WEE2: variants seen among roughly 807,000 people sequenced by gnomAD.
The protein encoded by WEE2 is wee1-like protein kinase 2.
A neutral mutation model predicts 60.1 loss-of-function variants in WEE2; 50 were observed. The observed-to-expected ratio is 0.83, with a 90% CI of 0.66 to 1.05. WEE2 has a LOEUF of 1.05. Ranked by LOEUF, WEE2 falls within the 50% of genes least tolerant of loss-of-function variation. The pLI, the probability that WEE2 is intolerant of heterozygous loss-of-function variation, is 0.00. For missense variants in WEE2, 631 were observed against 684.3 expected (o/e 0.92, Z 0.87); for synonymous variants, 240 against 241.0 (o/e 1.00, Z 0.04).
At chr7:141,725,482 G>A (rs929157337) in intron 9 of WEE2, among the ~76,000 whole-genome samples, 4 of 151,884 alleles carry the variant, frequency 2.6e-5, no homozygotes, top group African/African-American at 4.8e-5. Flanking sequence ...AAAATTAGCC[G>A]GGCATGGTGG....
Position 141,724,245 on chromosome 7 carries a change from T to G in WEE2, c.1191T>G (p.Ser397Arg), listed in dbSNP as rs1333902952. ...AACCCAAAGTGGAAGAAGGAGATAG[T>G]CGCTTCCTGGCTAATGAGATTTTGC... The part of the protein sequence containing the change: ...INKPKVEEGD[S>R]RFLANEILQE... Residue 397 changes from serine (S) to arginine (R), a missense_variant, in exon 8 of 12, where the codon AGT becomes AGG. Coordinates refer to ENST00000397541, the MANE Select transcript of WEE2 (RefSeq NM_001105558.1). 6.2e-7 allele frequency: 1 copy of G among 1,613,844 alleles called. No homozygotes were observed. Among genetic ancestry groups the G allele is most frequent in the African/African-American group, 1.3e-5 (1 of 74,920 alleles).
In WEE2 at chr7:141,723,935, T is replaced by C; in HGVS notation, c.1028-6T>C. The C allele has an allele frequency of 6.3e-7, 1 of 1,584,730 alleles. No homozygotes were observed. Among genetic ancestry groups the C allele is most frequent in the Non-Finnish European group, 8.6e-7 (1 of 1,160,596 alleles). ...ACTTACATCTATCCTGTCATTTTTT[T>C]TTCAGGTAATATATTCATTTGTCAC... On this transcript the variant is annotated splice_polypyrimidine_tract_variant and splice_region_variant and intron_variant, in intron 6 of 11. Coordinates refer to ENST00000397541, the MANE Select transcript of WEE2 (RefSeq NM_001105558.1).
intron 10 of WEE2, 71 bp downstream of exon 10, chr7:141,727,517 G>A: frequency 7.1e-6 from 11 of 1,553,766 alleles, no homozygotes; most frequent in Non-Finnish European, 9.6e-6. Flanking sequence ...CTAGTCTACT[G>A]TGTCTTCTCT....
chr7:141,709,072 T>A lies in WEE2; in HGVS notation c.314T>A (p.Leu105Gln), dbSNP rs772159051. 3.1e-6 allele frequency: 5 copies of A among 1,613,964 alleles called. No homozygotes were observed. In the South Asian group the frequency reaches 5.5e-5, roughly 18 times the overall value. Residue 105 changes from leucine to glutamine, a missense_variant, in exon 1 of 12, where the codon CTG becomes CAG. By Grantham distance (113) the Leu-to-Gln change is moderately radical (BLOSUM62 -2). Transcript: ENST00000397541. ...CAACCAGACAGCAGGAGCAAGCTGC[T>A]GCCCAGTGACAGCCCCTCTACTCCC... The part of the protein sequence containing the change: ...PAQPDSRSKL[L>Q]PSDSPSTPKT...
chr7:141,709,981 C>A (rs1306390646), intron 1 of WEE2, among the ~76,000 whole-genome samples: 5 of 152,192 alleles, frequency 3.3e-5, no homozygotes. Flanking sequence ...CTGACTGCGA[C>A]ACAGTTGCTA....
intron 11 of WEE2, 129 bp downstream of exon 11, chr7:141,729,802 C>T: frequency 1.9e-6 from 2 of 1,065,486 alleles, no homozygotes; most frequent in South Asian, 1.7e-5. Flanking sequence ...TCCTGGCTAA[C>T]ACGGTGAAAC....
Position 141,711,142 on chromosome 7 carries a change from G to A in WEE2, c.342+2042G>A, listed in dbSNP as rs1219289535. ...TGACACTAAGGGATATATGGGTTTG[G>A]AGAAAAGCAGAGATGTGGTATAAAA... On this transcript the variant is annotated intron_variant, in intron 1 of 11. Coordinates refer to ENST00000397541, the MANE Select transcript of WEE2 (RefSeq NM_001105558.1). The surrounding 1 kb of genome is among the most constrained non-coding windows in gnomAD (Gnocchi z 4.2). Among the ~76,000 whole-genome samples, 10 of 152,194 alleles carry A rather than the reference G, an allele frequency of 6.6e-5. No individual in the cohort carries two copies. Among genetic ancestry groups the A allele is most frequent in the Non-Finnish European group, 1.2e-4 (8 of 68,042 alleles).
In WEE2 at chr7:141,729,566, A is replaced by C; in HGVS notation, c.1571A>C (p.Gln524Pro). 1.2e-6 allele frequency: 2 copies of C among 1,614,218 alleles called. No individual in the cohort carries two copies. Among genetic ancestry groups the C allele is most frequent in the Non-Finnish European group, 1.7e-6 (2 of 1,180,032 alleles). ...GAAGCCCAGCAGGCCCAGTCACCCC[A>C]GGGATATACCCATCATGGTGACACT... ...LREAQQAQSPQGYTHHGDTGV... is the reference protein window; with the variant it reads ...LREAQQAQSPPGYTHHGDTGV... Residue 524 changes from glutamine to proline, a missense_variant, in exon 11 of 12, where the codon CAG becomes CCG. Gln to Pro is a moderately conservative substitution (Grantham distance 76). Coordinates refer to ENST00000397541, the MANE Select transcript of WEE2 (RefSeq NM_001105558.1).
At position 141,716,122 on chromosome 7, in the gene WEE2, A is replaced by T. The variant is rs73738250; in HGVS notation, c.540-100A>T. On this transcript the variant is annotated intron_variant, in intron 2 of 11. Coordinates refer to ENST00000397541, the MANE Select transcript of WEE2 (RefSeq NM_001105558.1). ...GCCTCCACATATAAACCGAAGAGAA[A>T]TGAATTGTCTTATTTACTCTTACAT... 8.6e-3 allele frequency: 8,963 copies of T among 1,036,324 alleles called. 543 individuals are homozygous for T. In the African/African-American group the frequency reaches 0.13, roughly 15 times the overall value. 64.2% of individuals were successfully genotyped at this position (1,036,324 alleles called of 1,614,324 possible).
chr7:141,719,091 C>T lies in WEE2; in HGVS notation c.605C>T (p.Thr202Ile). ...LPAKRCVLRE[T>I]NMASRYEKEF... ...CTTTAGAGATGTGTTTTACGAGAAACCAACATGGCTTCCCGCTATGAAAAA... is the reference window on the plus strand; with the variant it reads ...CTTTAGAGATGTGTTTTACGAGAAATCAACATGGCTTCCCGCTATGAAAAA... Residue 202 changes from threonine to isoleucine, a missense_variant, in exon 4 of 12, where the codon ACC becomes ATC. Thr to Ile is a moderately conservative substitution (Grantham distance 89). Transcript: ENST00000397541. 3 of 1,613,666 alleles carry T rather than the reference C, an allele frequency of 1.9e-6. No individual in the cohort carries two copies. The South Asian group carries it at 3.3e-5, about 18-fold the overall frequency.
At chr7:141,728,135 C>T (rs1054469148) in intron 10 of WEE2, 4 of 152,080 alleles carry the variant, frequency 2.6e-5, no homozygotes, top group African/African-American at 9.7e-5. Context: ...GGACTGCATT[C>T]GCGCTTTCCC....
chr7:141,724,384 C>G, intron 8 of WEE2, 109 bp downstream of exon 8: 3 of 940,010 alleles, frequency 3.2e-6, no homozygotes, highest in Non-Finnish European at 3.2e-6. Context: ...ATTATAGTAC[C>G]GCTCTTCCCA....
intron 9 of WEE2, among the ~76,000 whole-genome samples, chr7:141,726,421 A>G (rs1292938448): frequency 6.6e-6 from 1 of 152,122 alleles, no homozygotes; most frequent in Non-Finnish European, 1.5e-5. Context: ...GCTGGACTGC[A>G]GGTGTGGGAG....
At chr7:141,720,672 T>C (rs774629993) in intron 4 of WEE2, 11 of 437,840 alleles carry the variant, frequency 2.5e-5, no homozygotes, top group Non-Finnish European at 4.5e-5. Context: ...CAATGGACTT[T>C]GGCACCAGGC....
At chr7:141,726,423 G>C (rs1799019573) in intron 9 of WEE2, among the ~76,000 whole-genome samples, 1 of 152,128 alleles carries the variant, frequency 6.6e-6, no homozygotes, top group Non-Finnish European at 1.5e-5. Context: ...TGGACTGCAG[G>C]TGTGGGAGAT....
At position 141,711,985 on chromosome 7, in the gene WEE2, T is replaced by C. The variant is rs1798716888; in HGVS notation, c.343-2224T>C. On this transcript the variant is annotated intron_variant, in intron 1 of 11. Transcript: ENST00000397541. The surrounding 1 kb of genome is among the most constrained non-coding windows in gnomAD (Gnocchi z 4.2). ...GAGAACTGGTTCATTACCATGAGGA[T>C]GGCACCAAGGAATCTACCTCTGTAA... Among the ~76,000 whole-genome samples, 1 of 152,194 alleles carries C rather than the reference T, an allele frequency of 6.6e-6. No homozygotes were observed. Among genetic ancestry groups the C allele is most frequent in the Non-Finnish European group, 1.5e-5 (1 of 68,040 alleles).
At chr7:141,710,163 A>G (rs900136931) in intron 1 of WEE2, among the ~76,000 whole-genome samples, 1 of 152,168 alleles carries the variant, frequency 6.6e-6, no homozygotes, top group Non-Finnish European at 1.5e-5. Flanking sequence ...AGAATTCCCT[A>G]TAGGTAAGGA....
intron 3 of WEE2, among the ~76,000 whole-genome samples, chr7:141,717,267 G>A (rs1386781248): frequency 6.6e-6 from 1 of 152,178 alleles, no homozygotes; most frequent in Admixed American, 6.5e-5. Context: ...GTTTTCTGAA[G>A]CAAGTTTTAT....
In WEE2 at chr7:141,729,644, G is replaced by T; in HGVS notation, c.1649G>T (p.Gly550Val). The T allele has an allele frequency of 6.2e-7, 1 of 1,613,866 alleles. No homozygotes were observed. The highest frequency in any genetic ancestry group is 1.3e-5 in the African/African-American group (1 of 75,030). The change falls in exon 11 of 12, where the codon GGA (glycine) becomes GTA (valine). Residue 550 changes from glycine to valine, a missense_variant. Coordinates refer to ENST00000397541, the MANE Select transcript of WEE2 (RefSeq NM_001105558.1). ...GSRSTKRLVG[G>V]KSARSSSFTS... is the part of the protein sequence containing the mutation. ...AGAAGCACAAAACGCCTGGTGGGAG[G>T]AAAGAGTGCAAGGTCTTCAAGCTTT...
Sources: allele counts gnomAD v4.1 joint callset (sites outside exome capture counted in the v4.1 genomes callset), GRCh38; gene constraint gnomAD v4.1.1; non-coding constraint Gnocchi (gnomAD v3.1); transcripts MANE v1.5; gene names NCBI Gene and HGNC (gene_info 2026-07-23, HGNC 2026-07-21).